The following CNTNAP3B variants were observed in gnomAD, a reference collection of about 807,000 sequenced individuals.
The protein encoded by CNTNAP3B is contactin associated protein family member 3B, also known as contactin-associated protein-like 3B.
In CNTNAP3B, 25 loss-of-function variants were observed where a neutral mutation model predicts 108.9. The ratio of observed to expected loss-of-function variants is 0.23; its 90% CI spans 0.17 to 0.32. The LOEUF (loss-of-function observed/expected upper bound fraction) is 0.32. Among genes scored for constraint, CNTNAP3B ranks in the 10% least tolerant of loss-of-function variants. CNTNAP3B has a pLI of 1.00. For missense variants in CNTNAP3B, 252 were observed against 1,210.4 expected (o/e 0.21, Z 11.75); for synonymous variants, 103 against 473.4 (o/e 0.22, Z 10.16).
intron 3 of CNTNAP3B, among the ~76,000 whole-genome samples, chr9:42,058,650 C>T (rs1827125953): frequency 7.2e-6 from 1 of 138,870 alleles, no homozygotes; most frequent in Non-Finnish European, 1.5e-5. Context: ...GAAAATATTT[C>T]CTCCGATCCC....
intron 2 of CNTNAP3B, among the ~76,000 whole-genome samples, chr9:42,103,315 C>T (rs1410734968): frequency 6.7e-6 from 1 of 148,744 alleles, no homozygotes; most frequent in Middle Eastern, 3.2e-3. Context: ...TGTTTCATAG[C>T]CATACTGCCT....
chr9:41,950,171 C>G (rs1824633372), intron 13 of CNTNAP3B, among the ~76,000 whole-genome samples: 1 of 96,468 alleles, frequency 1.0e-5, no homozygotes. Context: ...CAGGGAGACA[C>G]AAATTAAAAC....
At chr9:42,041,933 G>A (rs1363857283) in intron 3 of CNTNAP3B, among the ~76,000 whole-genome samples, 3 of 139,872 alleles carry the variant, frequency 2.1e-5, no homozygotes, top group Non-Finnish European at 4.6e-5. Context: ...CATGTCCTTT[G>A]TAGGGACATG....
intron 13 of CNTNAP3B, among the ~76,000 whole-genome samples, chr9:41,945,666 A>G (rs1824511449): frequency 6.6e-6 from 1 of 152,306 alleles, no homozygotes; most frequent in African/African-American, 2.4e-5. Context: ...AGCTAATGTA[A>G]ATGATGAGTT....
chr9:42,126,852 G>A (rs552790961), intron 1 of CNTNAP3B, among the ~76,000 whole-genome samples: 10 of 139,292 alleles, frequency 7.2e-5, no homozygotes, highest in East Asian at 6.5e-4. Flanking sequence ...TTACAGACAC[G>A]AGCCACTGTG....
At chr9:42,103,200 G>A (rs1159646804) in intron 2 of CNTNAP3B, among the ~76,000 whole-genome samples, 1 of 140,816 alleles carries the variant, frequency 7.1e-6, no homozygotes, top group Non-Finnish European at 1.5e-5. Context: ...CTGAGGCTCT[G>A]CAGCAATAGA....
chr9:42,098,444 A>T lies in CNTNAP3B; in HGVS notation c.196+6185T>A, dbSNP rs62558893. 5.6e-4 allele frequency among the ~76,000 whole-genome samples: 60 copies of T among 107,256 alleles called. 7 individuals are homozygous for T. Among genetic ancestry groups the T allele is most frequent in the African/African-American group, 2.3e-3 (60 of 26,122 alleles). The allele number at this position is 107,256 out of a possible 152,430, so 70.4% of individuals were successfully genotyped here. A position where few individuals can be genotyped will look rare whatever the true frequency, so the allele number is the denominator to read the frequency against. On this transcript the variant is annotated intron_variant, in intron 2 of 23. Coordinates refer to ENST00000377561, the MANE Select transcript of CNTNAP3B (RefSeq NM_001201380.3). ...AAAAAAAAAAAAAAATTAGCCGGGC[A>T]TGGTGGTGGGTGCCTGTAGTCCCAG... is the stretch of plus-strand genomic sequence containing the variant.
intron 14 of CNTNAP3B, among the ~76,000 whole-genome samples, chr9:41,935,495 C>T (rs958563184): frequency 2.0e-5 from 3 of 152,272 alleles, no homozygotes; most frequent in South Asian, 2.1e-4. Flanking sequence ...ATGTCTACAC[C>T]TTAATCTAAA....
chr9:41,920,718 T>C (rs1319421460), intron 17 of CNTNAP3B, among the ~76,000 whole-genome samples: 1 of 152,310 alleles, frequency 6.6e-6, no homozygotes, highest in Non-Finnish European at 1.5e-5. Context: ...ATGTGCATTA[T>C]AATGGTTAGG....
chr9:41,931,916 CTG>C (rs1344253630), intron 14 of CNTNAP3B, among the ~76,000 whole-genome samples: 114 of 151,522 alleles, frequency 7.5e-4, no homozygotes, highest in Middle Eastern at 3.4e-3. Context: ...TCAATACTGA[CTG>C]TGCAAAATAT....
At chr9:41,934,188 C>CATATATATATATAT (rs748553009) in intron 14 of CNTNAP3B, among the ~76,000 whole-genome samples, 2 of 135,360 alleles carry the variant, frequency 1.5e-5, no homozygotes, top group Non-Finnish European at 3.0e-5. Flanking sequence ...CACACACACA[C>CATATATATATATAT]ATATATATAT....
chr9:42,071,153 C>T (rs564552421), intron 3 of CNTNAP3B, among the ~76,000 whole-genome samples: 14 of 143,518 alleles, frequency 9.8e-5, no homozygotes, highest in Admixed American at 2.8e-4. Flanking sequence ...GAAATAATGA[C>T]TTCCATAAGG....
intron 3 of CNTNAP3B, among the ~76,000 whole-genome samples, chr9:42,076,494 A>G (rs1827494044): frequency 8.1e-6 from 1 of 123,538 alleles, no homozygotes; most frequent in African/African-American, 3.3e-5. Flanking sequence ...CAATTCTTCA[A>G]GTTCAAAGTC....
At chr9:42,066,242 C>T (rs544928317) in intron 3 of CNTNAP3B, among the ~76,000 whole-genome samples, 4 of 135,386 alleles carry the variant, frequency 3.0e-5, no homozygotes, top group Admixed American at 2.9e-4. Context: ...TTTCTTTTCC[C>T]ATGTAGCTTG....
rs1232711123 is a variant in CNTNAP3B at position 42,115,224 on chromosome 9, CA to C, written c.86-10486del. Among the ~76,000 whole-genome samples, 88 of 137,708 alleles carry C rather than the reference CA, an allele frequency of 6.4e-4. 18 individuals carry two copies. The highest frequency in any genetic ancestry group is 2.4e-3 in the African/African-American group (84 of 34,646). The allele number at this position is 137,708 out of a possible 152,430, so 90.3% of individuals were successfully genotyped here. The stretch of plus-strand genomic sequence containing the variant: ...AACAGAAGAAGCTGCACTCTTTTGA[CA>C]AAGCTCATAAGGCTAAGAAAATAGA... On this transcript the variant is annotated intron_variant, in intron 1 of 23. Transcript: ENST00000377561.
chr9:42,098,415 T>G (rs1294175973), intron 2 of CNTNAP3B, among the ~76,000 whole-genome samples: 1 of 19,266 alleles, frequency 5.2e-5, no homozygotes, highest in Admixed American at 7.3e-4. Context: ...CTACTAAAAA[T>G]ACAAAAAAAA....
chr9:41,936,224 C>T (rs1266448031), intron 14 of CNTNAP3B, among the ~76,000 whole-genome samples: 1 of 152,230 alleles, frequency 6.6e-6, no homozygotes, highest in Admixed American at 6.5e-5. Flanking sequence ...TTGCAGTGAG[C>T]TGAGATCGCA....
At chr9:41,939,609 AT>A (rs1824271640) in intron 13 of CNTNAP3B, among the ~76,000 whole-genome samples, 1 of 152,306 alleles carries the variant, frequency 6.6e-6, no homozygotes, top group African/African-American at 2.4e-5. Context: ...CGTAAAAGAT[AT>A]TTTTAAAAAT....
Position 42,093,429 on chromosome 9 carries a change from C to T in CNTNAP3B, c.196+11200G>A, listed in dbSNP as rs549006620. Among the ~76,000 whole-genome samples the T allele has an allele frequency of 2.1e-5, 2 of 94,748 alleles. 1 individual carries two copies. The highest frequency in any genetic ancestry group is 1.1e-3 in the East Asian group (2 of 1,768). The allele number at this position is 94,748 out of a possible 152,430, so 62.2% of individuals were successfully genotyped here. Reference sequence around the variant, plus strand: ...AGCAGCACTCAGTAGATTTTAGCTACTTTGGATCAGATCATATACTAATTT... The same window carrying T: ...AGCAGCACTCAGTAGATTTTAGCTATTTTGGATCAGATCATATACTAATTT... On this transcript the variant is annotated intron_variant, in intron 2 of 23. Coordinates refer to ENST00000377561, the MANE Select transcript of CNTNAP3B (RefSeq NM_001201380.3).
Sources: allele counts gnomAD v4.1 joint callset (sites outside exome capture counted in the v4.1 genomes callset), GRCh38; gene constraint gnomAD v4.1.1; transcripts MANE v1.5; gene names NCBI Gene and HGNC (gene_info 2026-07-23, HGNC 2026-07-21).